Variants in ZNF423 observed in about 807,000 individuals in gnomAD.
The protein encoded by ZNF423 is zinc finger protein 423.
ZNF423 carries 12 observed loss-of-function variants against 95.8 expected under a neutral mutation model. The observed-to-expected ratio is 0.13, with a 90% confidence interval of 0.08 to 0.20. ZNF423 has a LOEUF of 0.20. Among genes scored for constraint, ZNF423 ranks in the 10% least tolerant of loss-of-function variants. The pLI is 1.00. For synonymous variants in ZNF423, 749 were observed against 711.9 expected (o/e 1.05, Z -0.83); for missense variants, 1,316 against 1,737.1 (o/e 0.76, Z 4.31).
chr16:49,742,318 A>G (rs2033430646), intron 2 of ZNF423, among the ~76,000 whole-genome samples: 1 of 152,190 alleles, frequency 6.6e-6, no homozygotes, highest in Non-Finnish European at 1.5e-5. Flanking sequence ...TGGAAAGAAA[A>G]GAAGGCAGAT....
At chr16:49,787,115 T>C (rs1384490489) in intron 2 of ZNF423, among the ~76,000 whole-genome samples, 1 of 152,092 alleles carries the variant, frequency 6.6e-6, no homozygotes, top group African/African-American at 2.4e-5. Context: ...AAGTGCTCAA[T>C]AAATGTGACA....
chr16:49,750,847 G>A (rs531277813), intron 2 of ZNF423, among the ~76,000 whole-genome samples: 49 of 152,346 alleles, frequency 3.2e-4, no homozygotes, highest in Admixed American at 2.4e-3. Flanking sequence ...AGGAAGCAGC[G>A]TGAGCCAAGC....
chr16:49,550,360 A>G (rs1969591796), intron 5 of ZNF423, among the ~76,000 whole-genome samples: 1 of 151,970 alleles, frequency 6.6e-6, no homozygotes, highest in Admixed American at 6.6e-5. Flanking sequence ...GCTCCGCCCT[A>G]CTGTTTCCTC....
rs376746110 is a variant in ZNF423 at position 49,635,548 on chromosome 16, C to A, written c.3516+112G>T. The stretch of plus-strand genomic sequence containing the variant: ...GCACAGCAGTTCTGTTTTGCCACTG[C>A]GCGATAGCGCCGCTTCTTGGAAACA... On this transcript the variant is annotated intron_variant, in intron 4 of 7. Coordinates refer to ENST00000563137, the MANE Select transcript of ZNF423 (RefSeq NM_001379286.1). The surrounding 1 kb of genome is among the most constrained non-coding windows in gnomAD (Gnocchi z 4.8). The A allele has an allele frequency of 9.3e-6, 13 of 1,396,744 alleles. No individual in the cohort carries two copies. The highest frequency in any genetic ancestry group is 6.3e-5 in the South Asian group (4 of 63,916). 86.5% of individuals were successfully genotyped at this position (1,396,744 alleles called of 1,614,324 possible).
intron 3 of ZNF423, among the ~76,000 whole-genome samples, chr16:49,666,145 G>A (rs1470680400): frequency 1.3e-5 from 2 of 152,172 alleles, no homozygotes; most frequent in Non-Finnish European, 2.9e-5. Context: ...GCTGGCCCCC[G>A]CCTCCCAGCT....
intron 3 of ZNF423, among the ~76,000 whole-genome samples, chr16:49,679,537 A>T (rs1412902577): frequency 6.6e-6 from 1 of 152,252 alleles, no homozygotes; most frequent in Non-Finnish European, 1.5e-5. Context: ...GCATGCACTC[A>T]GGGCAGTGCT....
intron 3 of ZNF423, among the ~76,000 whole-genome samples, chr16:49,653,798 C>T (rs570801281): frequency 3.7e-4 from 57 of 152,178 alleles, no homozygotes; most frequent in Non-Finnish European, 6.2e-4. Flanking sequence ...GGAAGCCTTC[C>T]CTGACTGCCT....
At chr16:49,782,961 T>TAAAAA (rs767807245) in intron 2 of ZNF423, among the ~76,000 whole-genome samples, 2 of 117,038 alleles carry the variant, frequency 1.7e-5, no homozygotes, top group African/African-American at 3.2e-5. Context: ...CTGTCTCAAT[T>TAAAAA]AAAAAAAAAA....
intron 3 of ZNF423, among the ~76,000 whole-genome samples, chr16:49,698,514 G>A (rs2151952535): frequency 6.6e-6 from 1 of 152,354 alleles, no homozygotes; most frequent in South Asian, 2.1e-4. Flanking sequence ...TCAGATTTCT[G>A]GCGCTGCCAC....
At chr16:49,854,533 G>A (rs2035336324) in intron 1 of ZNF423, 1 of 985,452 alleles carries the variant, frequency 1.0e-6, no homozygotes, top group African/African-American at 1.7e-5. Context: ...GGGGAGATGG[G>A]AGAAGACAAG....
chr16:49,520,743 C>G (rs530090641), intron 7 of ZNF423, among the ~76,000 whole-genome samples: 1 of 152,218 alleles, frequency 6.6e-6, no homozygotes, highest in Non-Finnish European at 1.5e-5. Flanking sequence ...GCCTGTTCCA[C>G]CCAACCAGGG....
chr16:49,590,335 T>A (rs1434002937), intron 5 of ZNF423, among the ~76,000 whole-genome samples: 2 of 151,618 alleles, frequency 1.3e-5, no homozygotes, highest in African/African-American at 2.4e-5. Context: ...TGCCGGGCAG[T>A]CCCCCATTCC....
chr16:49,613,182 T>C (rs1971779506), intron 5 of ZNF423, among the ~76,000 whole-genome samples: 1 of 152,114 alleles, frequency 6.6e-6, no homozygotes, highest in Non-Finnish European at 1.5e-5. Flanking sequence ...TATTCTAAGA[T>C]ATATATGGAA....
intron 5 of ZNF423, among the ~76,000 whole-genome samples, chr16:49,542,883 C>T (rs1969302463): frequency 6.6e-6 from 1 of 152,162 alleles, no homozygotes. Context: ...GCTCAGAGCA[C>T]CCCGTGGCCC....
chr16:49,562,456 G>A (rs1052699437), intron 5 of ZNF423, among the ~76,000 whole-genome samples: 5 of 152,228 alleles, frequency 3.3e-5, no homozygotes, highest in South Asian at 2.1e-4. Context: ...ATACACACCC[G>A]ATGGGTGGCA....
chr16:49,730,211 C>T (rs1485115657), intron 3 of ZNF423, among the ~76,000 whole-genome samples: 1 of 152,142 alleles, frequency 6.6e-6, no homozygotes, highest in Non-Finnish European at 1.5e-5. Flanking sequence ...CTCCAAGGCA[C>T]CAAGTAAATG....
At chr16:49,700,551 G>A (rs1170379587) in intron 3 of ZNF423, among the ~76,000 whole-genome samples, 1 of 152,228 alleles carries the variant, frequency 6.6e-6, no homozygotes, top group African/African-American at 2.4e-5. Context: ...CACTGGGGAG[G>A]AAAATCAGGC....
intron 3 of ZNF423, among the ~76,000 whole-genome samples, chr16:49,729,680 ATT>A (rs2033114165): frequency 7.0e-6 from 1 of 143,782 alleles, no homozygotes; most frequent in Non-Finnish European, 1.5e-5. Context: ...TATTATTATT[ATT>A]ATTTTAAAAA....
chr16:49,687,932 G>A (rs549273836), intron 3 of ZNF423, among the ~76,000 whole-genome samples: 6 of 152,154 alleles, frequency 3.9e-5, no homozygotes, highest in Admixed American at 1.3e-4. Context: ...GGAGGGACAC[G>A]GCTGCATCTT....
Sources: allele counts gnomAD v4.1 joint callset (sites outside exome capture counted in the v4.1 genomes callset), GRCh38; gene constraint gnomAD v4.1.1; non-coding constraint Gnocchi (gnomAD v3.1); transcripts MANE v1.5; gene names NCBI Gene and HGNC (gene_info 2026-07-23, HGNC 2026-07-21).